ZNF716: variants seen among roughly 807,000 people sequenced by gnomAD.
ZNF716 encodes the protein zinc finger protein 716.
A neutral mutation model predicts 13.4 loss-of-function variants in ZNF716; 9 were observed. The ratio of observed to expected loss-of-function variants is 0.67; its 90% CI spans 0.41 to 1.18. ZNF716 has a LOEUF of 1.18. ZNF716 is among the 50% of genes most tolerant of loss of function. ZNF716 has a pLI of 0.01. For missense variants in ZNF716, 581 were observed against 576.6 expected, an observed-to-expected ratio of 1.01 and a Z score of -0.08; for synonymous variants, 186 against 195.2, an observed-to-expected ratio of 0.95 and a Z score of 0.39.
rs1248935722 is a variant in ZNF716 at position 57,472,075 on chromosome 7, G to T, written c.*2126G>T. 1.3e-5 allele frequency: 2 copies of T among 152,150 alleles called. No individual in the cohort carries two copies. The highest frequency in any genetic ancestry group is 2.4e-5 in the African/African-American group (1 of 41,424). The allele number at this position is 152,150 out of a possible 1,614,324, so 9.4% of individuals were successfully genotyped here. A position where few individuals can be genotyped will look rare whatever the true frequency, so the allele number is the denominator to read the frequency against. On this transcript the variant is annotated 3_prime_UTR_variant, in exon 4 of 4. Coordinates refer to ENST00000420713, the MANE Select transcript of ZNF716 (RefSeq NM_001159279.1). Reference sequence around the variant, plus strand: ...ATTGTTGAATCAGAGATATGAGATTGTTTTTTATAGGTGTCCATTATTCAT... The same window carrying T: ...ATTGTTGAATCAGAGATATGAGATTTTTTTTTATAGGTGTCCATTATTCAT...
At position 57,469,915 on chromosome 7, in the gene ZNF716, T is replaced by G; in HGVS notation, c.1454T>G (p.Met485Arg). ...TCAAGTCTTGCTAATCATAAGAATA[T>G]GCATACTGGAGAGAAACCCTACAAA... Reference protein sequence around the residue: ...WHSSLANHKNMHTGEKPYKYE With the variant: ...WHSSLANHKNRHTGEKPYKYE Residue 485 changes from methionine (M) to arginine (R), a missense_variant, in exon 4 of 4, where the codon ATG becomes AGG. Physicochemically the swap from Met to Arg is moderately conservative, Grantham distance 91. Transcript: ENST00000420713. 3 of 1,577,200 alleles carry G rather than the reference T, an allele frequency of 1.9e-6. No homozygotes were observed. Among genetic ancestry groups the G allele is most frequent in the Non-Finnish European group, 2.6e-6 (3 of 1,160,764 alleles).
intron 1 of ZNF716, among the ~76,000 whole-genome samples, chr7:57,456,774 A>T (rs1789600154): frequency 6.6e-6 from 1 of 151,778 alleles, no homozygotes; most frequent in African/African-American, 2.4e-5. Context: ...AGCAAACTCC[A>T]CAGATTTGGT....
chr7:57,451,177 G>A lies in ZNF716; in HGVS notation c.39+850G>A, dbSNP rs538448724. On this transcript the variant is annotated intron_variant, in intron 1 of 3. Transcript: ENST00000420713. ...TGGGATTACAGACTGCCACCACCAC[G>A]CCCGGCTTTTGTTTTTTAGTAGAGA... is the stretch of plus-strand genomic sequence containing the variant. Among the ~76,000 whole-genome samples the A allele has an allele frequency of 1.2e-3, 183 of 151,960 alleles. 1 individual carries two copies. The highest frequency in any genetic ancestry group is 2.2e-3 in the Non-Finnish European group (151 of 67,988).
At chr7:57,457,910 T>G (rs2116409463) in intron 1 of ZNF716, among the ~76,000 whole-genome samples, 1 of 152,314 alleles carries the variant, frequency 6.6e-6, no homozygotes, top group African/African-American at 2.4e-5. Context: ...ATACAGTATT[T>G]GATTTTCTGC....
chr7:57,467,485 T>C (rs1274490739), intron 3 of ZNF716, among the ~76,000 whole-genome samples: 14 of 152,118 alleles, frequency 9.2e-5, no homozygotes, highest in African/African-American at 3.4e-4. Flanking sequence ...TGTTTGCTGG[T>C]TATATTATTC....
At chr7:57,458,922 T>C (rs1191178224) in intron 1 of ZNF716, among the ~76,000 whole-genome samples, 1 of 152,190 alleles carries the variant, frequency 6.6e-6, no homozygotes, top group Non-Finnish European at 1.5e-5. Flanking sequence ...GGATGTTTAG[T>C]GATATACTTT....
intron 1 of ZNF716, among the ~76,000 whole-genome samples, chr7:57,460,723 A>G (rs1554322909): frequency 6.6e-6 from 1 of 152,152 alleles, no homozygotes; most frequent in African/African-American, 2.4e-5. Flanking sequence ...GGGGAAACAC[A>G]GTTGTCTTTG....
At position 57,463,106 on chromosome 7, in the gene ZNF716, G is replaced by A. The variant is rs781902775; in HGVS notation, c.200G>A (p.Cys67Tyr). The A allele has an allele frequency of 7.5e-6, 12 of 1,610,476 alleles. No individual in the cohort carries two copies. The highest frequency in any genetic ancestry group is 1.7e-5 in the Admixed American group (1 of 59,972). The change falls in exon 3 of 4, where the codon TGT becomes TAT. Residue 67 changes from cysteine to tyrosine, a missense_variant. Cys to Tyr is a radical substitution (Grantham distance 194, BLOSUM62 -2). Transcript: ENST00000420713. ...IAVSKPDLIT[C>Y]LEQNKEPQNI... ...GTCTCTAAGCCAGACTTGATCACCT[G>A]TCTGGAGCAAAATAAAGAGCCCCAG...
intron 3 of ZNF716, among the ~76,000 whole-genome samples, chr7:57,466,160 A>G (rs567932028): frequency 6.6e-6 from 1 of 151,256 alleles, no homozygotes; most frequent in African/African-American, 2.4e-5. Flanking sequence ...CATTGTGCAC[A>G]TGTACCCTAA....
intron 1 of ZNF716, among the ~76,000 whole-genome samples, chr7:57,456,792 A>G (rs1041766221): frequency 7.2e-5 from 11 of 151,996 alleles, no homozygotes; most frequent in African/African-American, 2.7e-4. Flanking sequence ...GGTGTCAGAA[A>G]AGAGATATTA....
chr7:57,470,064 G>C lies in ZNF716; in HGVS notation c.*115G>C. On this transcript the variant is annotated 3_prime_UTR_variant, in exon 4 of 4. Transcript: ENST00000420713. The stretch of plus-strand genomic sequence containing the variant: ...CTTTAACCAGTTCCAAACCACTGCT[G>C]TCCATAAGATAATTCATATTGGACA... 2.0e-6 allele frequency: 2 copies of C among 1,009,688 alleles called. No homozygotes were observed. The highest frequency in any genetic ancestry group is 1.4e-6 in the Non-Finnish European group (1 of 706,072). 62.5% of individuals were successfully genotyped at this position (1,009,688 alleles called of 1,614,324 possible).
At chr7:57,466,171 A>G (rs1344078074) in intron 3 of ZNF716, among the ~76,000 whole-genome samples, 2 of 143,166 alleles carry the variant, frequency 1.4e-5, no homozygotes, top group Non-Finnish European at 3.1e-5. Context: ...TGTACCCTAA[A>G]ACTTAAAGTA....
chr7:57,460,635 A>AT (rs2116413162), intron 1 of ZNF716, among the ~76,000 whole-genome samples: 1 of 152,144 alleles, frequency 6.6e-6, no homozygotes, highest in South Asian at 2.1e-4. Flanking sequence ...CTCACCACAA[A>AT]TTTATGACCT....
Position 57,469,652 on chromosome 7 carries a change from C to G in ZNF716, c.1191C>G (p.Tyr397Ter). 1.3e-6 allele frequency: 2 copies of G among 1,582,978 alleles called. No individual in the cohort carries two copies. The highest frequency in any genetic ancestry group is 1.1e-5 in the South Asian group (1 of 89,496). Residue 397 changes from tyrosine to a stop codon, truncating the protein, a stop_gained, in exon 4 of 4, where the codon TAC becomes TAG. Coordinates refer to ENST00000420713, the MANE Select transcript of ZNF716 (RefSeq NM_001159279.1). LOFTEE classifies it low-confidence loss of function (END_TRUNC). ...KAFSLPSTFT[Y>*]HKRTHTGEKP... ...TTAGCTTACCCTCAACCTTCACTTA[C>G]CACAAGAGAACTCATACTGGAGAGA...
At chr7:57,461,427 AT>A (rs199772676) in intron 1 of ZNF716, among the ~76,000 whole-genome samples, 1 of 152,140 alleles carries the variant, frequency 6.6e-6, no homozygotes, top group East Asian at 1.9e-4. Flanking sequence ...TCTCTATGGC[AT>A]TTTTTCTACT....
chr7:57,450,366 G>A (rs1554321374), intron 1 of ZNF716, 39 bp downstream of exon 1: 2 of 1,613,800 alleles, frequency 1.2e-6, no homozygotes, highest in Middle Eastern at 1.7e-4. Context: ...AGGGGTGGGG[G>A]CTGGTTGGAA....
rs1789863099 is a variant in ZNF716 at position 57,468,930 on chromosome 7, T to C, written c.469T>C (p.Phe157Leu). The change falls in exon 4 of 4, where the codon TTT becomes CTT. Residue 157 changes from phenylalanine to leucine, a missense_variant. Transcript: ENST00000420713. Reference protein sequence around the residue: ...QCLSATQNKTFQTHKCVKVFG... With the variant: ...QCLSATQNKTLQTHKCVKVFG... ...TTTGTCAGCTACCCAAAACAAAACA[T>C]TTCAGACTCATAAATGCGTCAAAGT... The C allele has an allele frequency of 6.2e-7, 1 of 1,612,102 alleles. No homozygotes were observed. The highest frequency in any genetic ancestry group is 2.2e-5 in the East Asian group (1 of 44,736).
rs1208737566 is a variant in ZNF716 at position 57,473,086 on chromosome 7, A to G, written c.*3137A>G. The G allele has an allele frequency of 6.6e-6, 1 of 152,210 alleles. No individual in the cohort carries two copies. Among genetic ancestry groups the G allele is most frequent in the African/African-American group, 2.4e-5 (1 of 41,458 alleles). 9.4% of individuals were successfully genotyped at this position (152,210 alleles called of 1,614,324 possible). A position where few individuals can be genotyped will look rare whatever the true frequency, so the allele number is the denominator to read the frequency against. On this transcript the variant is annotated 3_prime_UTR_variant, in exon 4 of 4. Coordinates refer to ENST00000420713, the MANE Select transcript of ZNF716 (RefSeq NM_001159279.1). ...TTATGATCATAAAAATTACATGAGT[A>G]TAATTAATACCCATACATTTCTGAG...
In ZNF716 at chr7:57,462,519, G is replaced by A; in HGVS notation, c.99G>A (p.Leu33=). 1 of 1,613,894 alleles carries A rather than the reference G, an allele frequency of 6.2e-7. No individual in the cohort carries two copies. The highest frequency in any genetic ancestry group is 8.5e-7 in the Non-Finnish European group (1 of 1,179,898). Residue 33 remains leucine (L), a synonymous_variant, in exon 2 of 4, where the codon CTG becomes CTA. Transcript: ENST00000420713. ...IEFSLAEWQC[L]DHAQQNLYRD... ...TTTCTCTGGCGGAATGGCAATGCCT[G>A]GATCATGCTCAGCAGAATTTATATA...
Sources: allele counts gnomAD v4.1 joint callset (sites outside exome capture counted in the v4.1 genomes callset), GRCh38; gene constraint gnomAD v4.1.1; transcripts MANE v1.5; gene names NCBI Gene and HGNC (gene_info 2026-07-23, HGNC 2026-07-21).